Variants in RCOR1 observed in about 807,000 individuals in gnomAD.
RCOR1 encodes the protein REST corepressor.
RCOR1 carries 12 observed loss-of-function variants against 64.0 expected under a neutral mutation model. The ratio of observed to expected loss-of-function variants is 0.19; its 90% CI spans 0.12 to 0.30. The LOEUF (loss-of-function observed/expected upper bound fraction) is 0.30. Among genes scored for constraint, RCOR1 ranks in the 10% least tolerant of loss-of-function variants. The pLI, the probability that RCOR1 is intolerant of heterozygous loss-of-function variation, is 1.00. For synonymous variants in RCOR1, 279 were observed against 227.2 expected, an observed-to-expected ratio of 1.23 and a Z score of -2.05; for missense variants, 502 against 621.2, an observed-to-expected ratio of 0.81 and a Z score of 2.04.
At chr14:102,672,241 C>A (rs1321418221) in intron 2 of RCOR1, among the ~76,000 whole-genome samples, 2 of 151,954 alleles carry the variant, frequency 1.3e-5, no homozygotes, top group East Asian at 3.9e-4. Context: ...GAGATGGAGT[C>A]TCGCTCTGTT....
At chr14:102,707,579 G>C (rs1271096534) in intron 5 of RCOR1, 67 bp downstream of exon 5, 33 of 1,277,684 alleles carry the variant, frequency 2.6e-5, no homozygotes, top group Non-Finnish European at 3.6e-5. Flanking sequence ...CAGCATACTT[G>C]AGATAGGGAT....
At chr14:102,602,110 G>A (rs1893412168) in intron 2 of RCOR1, among the ~76,000 whole-genome samples, 2 of 151,378 alleles carry the variant, frequency 1.3e-5, no homozygotes, top group Non-Finnish European at 2.9e-5. Flanking sequence ...AGTGAGCCGA[G>A]GTTGTGCCAC....
intron 2 of RCOR1, among the ~76,000 whole-genome samples, chr14:102,643,048 C>T (rs1466638022): frequency 6.6e-6 from 1 of 152,048 alleles, no homozygotes; most frequent in Non-Finnish European, 1.5e-5. Flanking sequence ...TTTGGGAGGC[C>T]GAGGCGGGCA....
chr14:102,644,437 A>T (rs1438508596), intron 2 of RCOR1, among the ~76,000 whole-genome samples: 1 of 152,186 alleles, frequency 6.6e-6, no homozygotes, highest in African/African-American at 2.4e-5. Context: ...GACATGAGAA[A>T]CATTCTGTGA....
chr14:102,704,880 CT>C (rs1439501769), intron 4 of RCOR1, among the ~76,000 whole-genome samples: 3 of 152,102 alleles, frequency 2.0e-5, no homozygotes, highest in African/African-American at 7.2e-5. Flanking sequence ...GTCCCAGCTA[CT>C]TGGGAGGATG....
At chr14:102,629,422 ATC>A (rs1396079036) in intron 2 of RCOR1, among the ~76,000 whole-genome samples, 1 of 141,662 alleles carries the variant, frequency 7.1e-6, no homozygotes, top group African/African-American at 2.6e-5. Flanking sequence ...GCTTTTTAAA[ATC>A]TTGTTGCCTT....
In RCOR1 at chr14:102,713,111, G is replaced by T. The variant is rs541428039; in HGVS notation, c.859-1312G>T. Among the ~76,000 whole-genome samples, 273 of 149,076 alleles carry T rather than the reference G, an allele frequency of 1.8e-3. 3 individuals carry two copies. The highest frequency in any genetic ancestry group is 3.7e-4 in the Non-Finnish European group (25 of 67,352). On this transcript the variant is annotated intron_variant, in intron 7 of 11. Coordinates refer to ENST00000262241, the MANE Select transcript of RCOR1 (RefSeq NM_015156.4). The stretch of plus-strand genomic sequence containing the variant: ...TGGGATTACAGGGGCCCGCAACCAT[G>T]CCTGGCTAATTTTTGTATTTTTACT...
intron 3 of RCOR1, among the ~76,000 whole-genome samples, chr14:102,685,880 T>C (rs2139964875): frequency 6.6e-6 from 1 of 152,088 alleles, no homozygotes; most frequent in Middle Eastern, 3.4e-3. Flanking sequence ...ATGCTTGAGC[T>C]CAGGAGTTCA....
chr14:102,685,908 A>G (rs1215922574), intron 3 of RCOR1, among the ~76,000 whole-genome samples: 3 of 152,096 alleles, frequency 2.0e-5, no homozygotes, highest in Admixed American at 1.3e-4. Context: ...CCTGGGCAAC[A>G]TAGATCTCCC....
intron 2 of RCOR1, among the ~76,000 whole-genome samples, chr14:102,664,762 A>C (rs1017036522): frequency 1.3e-5 from 2 of 152,250 alleles, no homozygotes; most frequent in Non-Finnish European, 2.9e-5. Context: ...AAGTACTTAT[A>C]ATATGCTAGA....
In RCOR1 at chr14:102,708,505, A is replaced by G; in HGVS notation, c.701A>G (p.Tyr234Cys). The change falls in exon 6 of 12, where the codon TAT becomes TGT. Residue 234 changes from tyrosine to cysteine, a missense_variant. Coordinates refer to ENST00000262241, the MANE Select transcript of RCOR1 (RefSeq NM_015156.4). ...ATAGCAAGTCTGGTGAAATTTTACT[A>G]TTCTTGGAAGAAGACGAGGACTAAA... ...KSIASLVKFY[Y>C]SWKKTRTKTS... is the part of the protein sequence containing the mutation. 6.2e-7 allele frequency: 1 copy of G among 1,609,460 alleles called. No individual in the cohort carries two copies. Among genetic ancestry groups the G allele is most frequent in the Non-Finnish European group, 8.5e-7 (1 of 1,175,984 alleles).
intron 2 of RCOR1, chr14:102,657,159 A>G (rs1438372033): frequency 2.0e-6 from 2 of 985,170 alleles, no homozygotes; most frequent in Admixed American, 1.2e-4. Context: ...CATAGGGTAG[A>G]AACTCGTGAA....
At chr14:102,626,204 C>T (rs1164945761) in intron 2 of RCOR1, among the ~76,000 whole-genome samples, 1 of 152,200 alleles carries the variant, frequency 6.6e-6, no homozygotes, top group Admixed American at 6.5e-5. Context: ...AACACAACCT[C>T]TCCTCCTATT....
intron 2 of RCOR1, among the ~76,000 whole-genome samples, chr14:102,645,101 C>G (rs1894453623): frequency 6.6e-6 from 1 of 152,154 alleles, no homozygotes; most frequent in African/African-American, 2.4e-5. Context: ...TTGTAACCTA[C>G]TACATTAGAC....
At chr14:102,632,157 A>G (rs562830695) in intron 2 of RCOR1, among the ~76,000 whole-genome samples, 1 of 150,314 alleles carries the variant, frequency 6.7e-6, no homozygotes, top group East Asian at 2.0e-4. Context: ...GAAAGAGTTT[A>G]ATTTAACACT....
intron 2 of RCOR1, among the ~76,000 whole-genome samples, chr14:102,629,718 C>T (rs1445620692): frequency 6.6e-6 from 1 of 152,174 alleles, no homozygotes; most frequent in Non-Finnish European, 1.5e-5. Flanking sequence ...GCCTTCTCTC[C>T]TTGCTTCTAG....
rs768232994 is a variant in RCOR1, at chr14:102,593,266, G to C, written c.302G>C (p.Gly101Ala). 20 of 1,531,328 alleles carry C rather than the reference G, an allele frequency of 1.3e-5. No individual in the cohort carries two copies. The highest frequency in any genetic ancestry group is 1.7e-5 in the Non-Finnish European group (20 of 1,144,510). 94.9% of individuals were successfully genotyped at this position (1,531,328 alleles called of 1,614,324 possible). The change falls in exon 2 of 12, where the codon GGT becomes GCT. Residue 101 changes from glycine to alanine, a missense_variant and splice_region_variant. Transcript: ENST00000262241. ...SSGSSSDEEH[G>A]GGGMRVGPQY... ...CCGCCGTATTCTGCTTCCCCCGCAG[G>C]TGGCGGTGGCATGAGGGTCGGACCC...
intron 4 of RCOR1, among the ~76,000 whole-genome samples, chr14:102,701,630 T>C (rs906291161): frequency 2.6e-5 from 4 of 152,224 alleles, no homozygotes; most frequent in Non-Finnish European, 5.9e-5. Context: ...TTTGAATATG[T>C]GATTTGTTTG....
intron 10 of RCOR1, 87 bp downstream of exon 10, chr14:102,721,464 T>A: frequency 2.1e-6 from 2 of 952,302 alleles, no homozygotes; most frequent in Non-Finnish European, 3.3e-6. Flanking sequence ...GTTGACGCAT[T>A]TGCTTGAGCC....
Sources: gnomAD v4.1 joint callset for allele counts (sites outside exome capture counted in the v4.1 genomes callset) on GRCh38, gnomAD v4.1.1 for gene constraint, MANE v1.5 for transcripts, NCBI Gene and HGNC (gene_info 2026-07-23, HGNC 2026-07-21) for gene names.